The following TMEM11 variants were observed in gnomAD, a reference collection of about 807,000 sequenced individuals.
TMEM11 encodes the protein transmembrane protein 11.
TMEM11 carries 1 observed loss-of-function variant against 17.0 expected under a neutral mutation model. The observed-to-expected ratio is 0.06, with a 90% CI of 0.02 to 0.28. The LOEUF (loss-of-function observed/expected upper bound fraction) is 0.28. Ranked by LOEUF, TMEM11 falls within the 10% of genes least tolerant of loss-of-function variation. The probability of loss-of-function intolerance (pLI) is 1.00; values close to 1 mark genes in which losing one functional copy is unlikely to be tolerated. For missense variants in TMEM11, 172 were observed against 252.9 expected, an observed-to-expected ratio of 0.68 and a Z score of 2.17; for synonymous variants, 122 against 118.1, an observed-to-expected ratio of 1.03 and a Z score of -0.21.
intron 1 of TMEM11, among the ~76,000 whole-genome samples, chr17:21,206,520 T>C (rs1974944386): frequency 6.6e-6 from 1 of 151,968 alleles, no homozygotes; most frequent in South Asian, 2.1e-4. Flanking sequence ...CCTGGTCTCA[T>C]TTTCTTTATT....
chr17:21,207,453 C>T (rs1055573922), intron 1 of TMEM11, among the ~76,000 whole-genome samples: 5 of 150,888 alleles, frequency 3.3e-5, no homozygotes, highest in African/African-American at 7.3e-5. Flanking sequence ...GCTTGAACCC[C>T]GGAGGCAGAA....
At chr17:21,206,348 A>G (rs1192911152) in intron 1 of TMEM11, among the ~76,000 whole-genome samples, 3 of 151,940 alleles carry the variant, frequency 2.0e-5, no homozygotes, top group Non-Finnish European at 4.4e-5. Flanking sequence ...CAGCCTCCCA[A>G]ATAGCTAGGA....
intron 1 of TMEM11, among the ~76,000 whole-genome samples, chr17:21,205,746 TC>T (rs1974935450): frequency 1.3e-5 from 2 of 152,106 alleles, no homozygotes; most frequent in South Asian, 2.1e-4. Flanking sequence ...CATTCTACTT[TC>T]TACCCCAATG....
At chr17:21,205,835 A>G (rs1393318101) in intron 1 of TMEM11, among the ~76,000 whole-genome samples, 5 of 152,026 alleles carry the variant, frequency 3.3e-5, no homozygotes, top group Non-Finnish European at 7.4e-5. Context: ...TATTCCACAG[A>G]GCATAACGAG....
At position 21,207,654 on chromosome 17, in the gene TMEM11, G is replaced by A. The variant is rs551585185; in HGVS notation, c.62+6437C>T. 3.3e-5 allele frequency among the ~76,000 whole-genome samples: 5 copies of A among 152,174 alleles called. No individual in the cohort carries two copies. The East Asian group carries it at 9.7e-4, about 29-fold the overall frequency. On this transcript the variant is annotated intron_variant, in intron 1 of 1. Transcript: ENST00000317635. ...TGTAATCCCAGCACTTTGGGAGGCC[G>A]AGGCGGGCGGATTACCTAAGGTCAG...
At chr17:21,206,438 G>T (rs1020619305) in intron 1 of TMEM11, among the ~76,000 whole-genome samples, 1 of 152,118 alleles carries the variant, frequency 6.6e-6, no homozygotes. Flanking sequence ...GGCCAGGCTG[G>T]TCTCGAACTC....
intron 1 of TMEM11, among the ~76,000 whole-genome samples, chr17:21,204,689 GCT>G (rs1180933135): frequency 5.3e-5 from 8 of 152,170 alleles, no homozygotes; most frequent in African/African-American, 1.9e-4. Flanking sequence ...AGGAAGGGAG[GCT>G]CTTTCTAGTA....
At chr17:21,213,794 T>C in intron 1 of TMEM11, 1 of 430,970 alleles carries the variant, frequency 2.3e-6, no homozygotes, top group Non-Finnish European at 4.1e-6. Context: ...CCCTGAGGCC[T>C]GCGCTGGGCG....
chr17:21,199,115 T>TA (rs1207738063), intron 1 of TMEM11, among the ~76,000 whole-genome samples: 3 of 151,318 alleles, frequency 2.0e-5, no homozygotes, highest in Non-Finnish European at 2.9e-5. Context: ...GGTCAGGAGT[T>TA]AGAGACCAGC....
chr17:21,205,280 G>A (rs533667148), intron 1 of TMEM11, among the ~76,000 whole-genome samples: 10 of 152,192 alleles, frequency 6.6e-5, no homozygotes, highest in Non-Finnish European at 1.3e-4. Flanking sequence ...TGACAGGAGC[G>A]GGGAGAGCAG....
rs545279945 is a variant in TMEM11, at chr17:21,208,744, A to G, written c.62+5347T>C. 6.6e-5 allele frequency among the ~76,000 whole-genome samples: 10 copies of G among 152,244 alleles called. No homozygotes were observed. In the South Asian group the frequency reaches 1.2e-3, roughly 19 times the overall value. On this transcript the variant is annotated intron_variant, in intron 1 of 1. Coordinates refer to ENST00000317635, the MANE Select transcript of TMEM11 (RefSeq NM_003876.3). ...GAAGCTCCATGAGGGCAGAGGCTGC[A>G]TTTTCATCGTAGTTTCCCCAGCACT...
intron 1 of TMEM11, among the ~76,000 whole-genome samples, chr17:21,211,952 C>T (rs78316884): frequency 0.013 from 1,920 of 152,280 alleles, 51 homozygotes; most frequent in African/African-American, 0.042. Flanking sequence ...ATCTAGAGTG[C>T]TGGGCCATCA....
At chr17:21,208,198 T>C (rs1974965226) in intron 1 of TMEM11, among the ~76,000 whole-genome samples, 2 of 150,292 alleles carry the variant, frequency 1.3e-5, no homozygotes, top group Admixed American at 1.3e-4. Flanking sequence ...TTCACTGTGT[T>C]AGCGAGGATG....
At chr17:21,213,569 G>A (rs1597774891) in intron 1 of TMEM11, 1 of 154,414 alleles carries the variant, frequency 6.5e-6, no homozygotes, top group East Asian at 1.9e-4. Flanking sequence ...GCTCGGAAGA[G>A]ACACATCTGG....
intron 1 of TMEM11, among the ~76,000 whole-genome samples, chr17:21,211,831 A>T (rs890482527): frequency 6.6e-6 from 1 of 152,248 alleles, no homozygotes; most frequent in Admixed American, 6.5e-5. Context: ...CTCGTATAAC[A>T]TGGAGCTGAG....
At chr17:21,211,093 A>G in intron 1 of TMEM11, 1 of 1,289,852 alleles carries the variant, frequency 7.8e-7, no homozygotes, top group Non-Finnish European at 1.0e-6. Flanking sequence ...TAGATGGGCA[A>G]GTGTGTCTCA....
chr17:21,213,926 A>C, intron 1 of TMEM11, 165 bp downstream of exon 1: 1 of 674,484 alleles, frequency 1.5e-6, no homozygotes, highest in East Asian at 2.9e-5. Context: ...CCTCGCTCCC[A>C]CCCGGATCCC....
Position 21,198,255 on chromosome 17 carries a change from T to C in TMEM11, c.*69A>G. ...CCAGGCTCTGCTGCCTCACAGAGTG[T>C]GGCGATCTGAATACTCTGTTGTCTC... On this transcript the variant is annotated 3_prime_UTR_variant, in exon 2 of 2. Coordinates refer to ENST00000317635, the MANE Select transcript of TMEM11 (RefSeq NM_003876.3). The surrounding 1 kb of genome is among the most constrained non-coding windows in gnomAD (Gnocchi z 6.5). 2 of 1,526,014 alleles carry C rather than the reference T, an allele frequency of 1.3e-6. No homozygotes were observed. The highest frequency in any genetic ancestry group is 1.8e-6 in the Non-Finnish European group (2 of 1,126,844). The allele number at this position is 1,526,014 out of a possible 1,614,324, so 94.5% of individuals were successfully genotyped here.
At chr17:21,207,617 G>T (rs1039497218) in intron 1 of TMEM11, among the ~76,000 whole-genome samples, 3 of 151,996 alleles carry the variant, frequency 2.0e-5, no homozygotes, top group Non-Finnish European at 4.4e-5. Flanking sequence ...GCTAGGCGCG[G>T]TGGCTCACGC....
Sources: allele counts gnomAD v4.1 joint callset (sites outside exome capture counted in the v4.1 genomes callset), GRCh38; gene constraint gnomAD v4.1.1; non-coding constraint Gnocchi (gnomAD v3.1); transcripts MANE v1.5; gene names NCBI Gene and HGNC (gene_info 2026-07-23, HGNC 2026-07-21).